Variants in CASP8 observed in about 807,000 individuals in gnomAD.
CASP8 encodes caspase-8.
A neutral mutation model predicts 46.3 loss-of-function variants in CASP8; 24 were observed. The observed-to-expected ratio is 0.52, with a 90% CI of 0.38 to 0.73. The LOEUF (loss-of-function observed/expected upper bound fraction) is 0.73. Ranked by LOEUF, CASP8 falls within the 30% of genes least tolerant of loss-of-function variation. CASP8 has a pLI of 0.00. For synonymous variants in CASP8, 188 were observed against 200.4 expected, an observed-to-expected ratio of 0.94 and a Z score of 0.52; for missense variants, 460 against 559.0, an observed-to-expected ratio of 0.82 and a Z score of 1.79.
chr2:201,281,796 C>T (rs1949032857), intron 7 of CASP8: 1 of 1,330,698 alleles, frequency 7.5e-7, no homozygotes, highest in Non-Finnish European at 1.0e-6. Flanking sequence ...AGAAAACAGA[C>T]CAACAATAAC....
chr2:201,286,971 T>C lies in CASP8; in HGVS notation c.*377T>C, dbSNP rs1576396961. 1 of 227,012 alleles carries C rather than the reference T, an allele frequency of 4.4e-6. No homozygotes were observed. The highest frequency in any genetic ancestry group is 2.3e-5 in the African/African-American group (1 of 43,628). The allele number at this position is 227,012 out of a possible 1,614,324, so 14.1% of individuals were successfully genotyped here. On this transcript the variant is annotated 3_prime_UTR_variant, in exon 9 of 9. Coordinates refer to ENST00000673742, the MANE Select transcript of CASP8 (RefSeq NM_001372051.1). The stretch of plus-strand genomic sequence containing the variant: ...GTTTATTTACTAATTTTCTAGATTT[T>C]CTACTTTATTAATTGTTTTGCACTT...
At chr2:201,275,015 G>GT in intron 6 of CASP8, 62 bp downstream of exon 6, 1 of 1,182,634 alleles carries the variant, frequency 8.5e-7, no homozygotes, top group Non-Finnish European at 1.2e-6. Context: ...TAATTTGTTA[G>GT]CTTTTTTTTT....
chr2:201,276,943 C>T lies in CASP8; in HGVS notation c.777C>T (p.Asp259=), dbSNP rs1576347142. Residue 259 remains aspartate, a synonymous_variant, in exon 7 of 9, where the codon GAC becomes GAT. Transcript: ENST00000673742. The part of the protein sequence containing the change: ...EKVPKLHSIR[D]RNGTHLDAGA... The stretch of plus-strand genomic sequence containing the variant: ...TGCCCAAACTTCACAGCATTAGGGA[C>T]AGGAATGGAACACACTTGGATGCAG... 1 of 1,613,502 alleles carries T rather than the reference C, an allele frequency of 6.2e-7. No individual in the cohort carries two copies.
intron 1 of CASP8, among the ~76,000 whole-genome samples, chr2:201,261,128 C>T (rs1947359000): frequency 6.6e-6 from 1 of 152,214 alleles, no homozygotes; most frequent in African/African-American, 2.4e-5. Context: ...CGTGGTGGCT[C>T]TCGCCTGTCA....
At chr2:201,234,674 G>T (rs959773460) in intron 2 of CASP8, among the ~76,000 whole-genome samples, 4 of 151,794 alleles carry the variant, frequency 2.6e-5, no homozygotes, top group African/African-American at 9.7e-5. Context: ...GGCCAGGCTG[G>T]TCTCAAACTT....
chr2:201,271,901 C>G (rs1948277858), intron 3 of CASP8, among the ~76,000 whole-genome samples: 1 of 152,182 alleles, frequency 6.6e-6, no homozygotes. Context: ...TGCGGTGGGT[C>G]TGAGATATTT....
chr2:201,251,619 A>AT (rs1176635528), intron 2 of CASP8, among the ~76,000 whole-genome samples: 1 of 132,048 alleles, frequency 7.6e-6, no homozygotes, highest in African/African-American at 3.0e-5. Flanking sequence ...AGAAAAAAAA[A>AT]TGGCCAGGCG....
At chr2:201,246,499 A>G (rs1035004094) in intron 2 of CASP8, among the ~76,000 whole-genome samples, 1 of 152,214 alleles carries the variant, frequency 6.6e-6, no homozygotes, top group African/African-American at 2.4e-5. Flanking sequence ...AGTGAAAAAA[A>G]CATATTATTA....
intron 2 of CASP8, among the ~76,000 whole-genome samples, chr2:201,238,543 G>A (rs1399206454): frequency 6.6e-6 from 1 of 151,884 alleles, no homozygotes; most frequent in Non-Finnish European, 1.5e-5. Flanking sequence ...CTGGGTTCAA[G>A]CAATTCTCCT....
rs1948247221 is a variant in CASP8, at chr2:201,271,558, A to G, written c.348A>G (p.Glu116=). 6.2e-7 allele frequency: 1 copy of G among 1,611,838 alleles called. No individual in the cohort carries two copies. Among genetic ancestry groups the G allele is most frequent in the Admixed American group, 1.7e-5 (1 of 60,028 alleles). Residue 116 remains glutamate (E), a synonymous_variant, in exon 3 of 9, where the codon GAA becomes GAG. Coordinates refer to ENST00000673742, the MANE Select transcript of CASP8 (RefSeq NM_001372051.1). ...YQISEEVSRS[E]LRSFKFLLQE... ...TTTCAGAAGAAGTGAGCAGATCAGA[A>G]TTGAGGTCTTTTAAGTTTCTTTTGC...
chr2:201,240,401 G>A (rs941483482), intron 2 of CASP8: 17 of 152,042 alleles, frequency 1.1e-4, no homozygotes, highest in African/African-American at 3.9e-4. Flanking sequence ...AGACAAAATC[G>A]ACTTTAAGTC....
At chr2:201,270,630 A>G (rs1416356452) in intron 2 of CASP8, among the ~76,000 whole-genome samples, 1 of 152,156 alleles carries the variant, frequency 6.6e-6, no homozygotes, top group African/African-American at 2.4e-5. Flanking sequence ...TCTGGGCTCA[A>G]GTGATCCTCT....
intron 2 of CASP8, among the ~76,000 whole-genome samples, chr2:201,237,711 A>T (rs1051253577): frequency 2.0e-5 from 3 of 152,132 alleles, no homozygotes; most frequent in Non-Finnish European, 4.4e-5. Flanking sequence ...TAAAGTCATT[A>T]ATTTACTGGT....
intron 2 of CASP8, among the ~76,000 whole-genome samples, chr2:201,246,436 C>T (rs963038379): frequency 6.6e-6 from 1 of 152,080 alleles, no homozygotes; most frequent in Admixed American, 6.6e-5. Flanking sequence ...TGGAAGTCCA[C>T]CCCCATCCCC....
chr2:201,235,325 A>C (rs571646175), intron 2 of CASP8, among the ~76,000 whole-genome samples: 1 of 152,196 alleles, frequency 6.6e-6, no homozygotes, highest in African/African-American at 2.4e-5. Context: ...TGTATTGTTC[A>C]AGTTTTTCTT....
chr2:201,263,224 A>C (rs6435074), intron 1 of CASP8, among the ~76,000 whole-genome samples: 110,748 of 152,044 alleles, frequency 0.73, 40,679 homozygotes, highest in South Asian at 0.83. Flanking sequence ...TCATTTTGAC[A>C]CCATAATACT....
chr2:201,245,845 T>A (rs1456634088), intron 2 of CASP8, among the ~76,000 whole-genome samples: 1 of 151,672 alleles, frequency 6.6e-6, no homozygotes, highest in African/African-American at 2.4e-5. Context: ...TTTCTTTCTG[T>A]TGCTTTTCCT....
intron 2 of CASP8, among the ~76,000 whole-genome samples, chr2:201,253,640 T>C (rs1946885836): frequency 6.6e-6 from 1 of 152,176 alleles, no homozygotes; most frequent in Non-Finnish European, 1.5e-5. Context: ...GTAAATTTTA[T>C]GGTATATATA....
chr2:201,273,316 C>T (rs1318061087), intron 5 of CASP8, among the ~76,000 whole-genome samples: 2 of 152,214 alleles, frequency 1.3e-5, no homozygotes, highest in Non-Finnish European at 2.9e-5. Flanking sequence ...GCCTTGGCCT[C>T]CCAAAGTGCT....
Sources: allele counts gnomAD v4.1 joint callset (sites outside exome capture counted in the v4.1 genomes callset), GRCh38; gene constraint gnomAD v4.1.1; transcripts MANE v1.5; gene names NCBI Gene and HGNC (gene_info 2026-07-23, HGNC 2026-07-21).